Variants in SGCZ observed in about 807,000 individuals in gnomAD.
The protein encoded by SGCZ is zeta-sarcoglycan.
A neutral mutation model predicts 41.3 loss-of-function variants in SGCZ; 40 were observed. That is an observed-to-expected ratio of 0.97 (90% CI 0.75 to 1.26). SGCZ has a LOEUF of 1.26. Among genes scored for constraint, SGCZ ranks in the 50% most tolerant of loss-of-function variants. SGCZ has a pLI of 0.00. For synonymous variants in SGCZ, 206 were observed against 137.5 expected, an observed-to-expected ratio of 1.50 and a Z score of -3.49; for missense variants, 552 against 369.8, an observed-to-expected ratio of 1.49 and a Z score of -4.04.
intron 1 of SGCZ, among the ~76,000 whole-genome samples, chr8:14,985,688 G>A (rs754113738): frequency 4.6e-5 from 7 of 152,124 alleles, no homozygotes; most frequent in African/African-American, 7.2e-5. Context: ...TCAAGTAGAG[G>A]GCATCACAGT....
At position 14,309,329 on chromosome 8, in the gene SGCZ, G is replaced by A; in HGVS notation, c.336+14774C>T. Reference sequence around the variant, plus strand: ...GGATGGTATTGAGACTATGTGGGAAGATGAGAAAAACAAATGGGGAGGACG... The same window carrying A: ...GGATGGTATTGAGACTATGTGGGAAAATGAGAAAAACAAATGGGGAGGACG... On this transcript the variant is annotated intron_variant, in intron 3 of 7. Coordinates refer to ENST00000382080, the MANE Select transcript of SGCZ (RefSeq NM_139167.4). 1.9e-6 allele frequency: 3 copies of A among 1,600,152 alleles called. No homozygotes were observed. The South Asian group carries it at 3.3e-5, about 18-fold the overall frequency.
intron 1 of SGCZ, among the ~76,000 whole-genome samples, chr8:15,166,783 C>G (rs527314985): frequency 6.6e-6 from 1 of 152,226 alleles, no homozygotes; most frequent in East Asian, 1.9e-4. Flanking sequence ...TGTTTTAATC[C>G]TCTTCAAGGG....
At chr8:14,831,598 TTGTG>T (rs113673802) in intron 1 of SGCZ, among the ~76,000 whole-genome samples, 54 of 149,900 alleles carry the variant, frequency 3.6e-4, no homozygotes, top group African/African-American at 9.8e-4. Flanking sequence ...ACAAGTGTGT[TTGTG>T]TGTGTGTGTG....
At chr8:15,111,817 T>C (rs1310719858) in intron 1 of SGCZ, among the ~76,000 whole-genome samples, 1 of 151,688 alleles carries the variant, frequency 6.6e-6, no homozygotes, top group African/African-American at 2.4e-5. Flanking sequence ...GAAGAACTGC[T>C]TGAACCAGGG....
intron 1 of SGCZ, among the ~76,000 whole-genome samples, chr8:15,042,951 C>T (rs932153345): frequency 6.6e-6 from 1 of 152,138 alleles, no homozygotes; most frequent in Admixed American, 6.6e-5. Flanking sequence ...TCCCATAATG[C>T]AGTCATAAAC....
intron 2 of SGCZ, among the ~76,000 whole-genome samples, chr8:14,484,728 C>G (rs1001615826): frequency 4.6e-5 from 7 of 151,918 alleles, no homozygotes; most frequent in African/African-American, 1.5e-4. Context: ...ATATTGTGCC[C>G]ATATTTATAT....
intron 1 of SGCZ, among the ~76,000 whole-genome samples, chr8:15,074,907 TC>T (rs1197546241): frequency 6.6e-6 from 1 of 152,146 alleles, no homozygotes; most frequent in Non-Finnish European, 1.5e-5. Context: ...CCTGTGTATC[TC>T]TGTATCTGAC....
intron 1 of SGCZ, among the ~76,000 whole-genome samples, chr8:14,572,298 G>A (rs1387577637): frequency 1.3e-5 from 2 of 151,770 alleles, no homozygotes; most frequent in Non-Finnish European, 1.5e-5. Context: ...TATTCATATC[G>A]CCAATAATTT....
intron 5 of SGCZ, among the ~76,000 whole-genome samples, chr8:14,129,345 CAAAAAAAAAAAA>C (rs534660638): frequency 0.11 from 4,797 of 44,564 alleles, 306 homozygotes; most frequent in African/African-American, 0.27. Context: ...GACTCCGTCT[CAAAAAAAAAAAA>C]AAAAAAAAAA....
intron 4 of SGCZ, among the ~76,000 whole-genome samples, chr8:14,210,689 TATCCTGACCTCAGGTG>T (rs1336373542): frequency 6.6e-6 from 1 of 150,664 alleles, no homozygotes; most frequent in Admixed American, 6.6e-5. Context: ...CTGTTCTTGA[TATCCTGACCTCAGGTG>T]ATCCGCTTGC....
chr8:14,087,600 G>A lies in SGCZ; in HGVS notation c.*2843C>T, dbSNP rs551286342. On this transcript the variant is annotated 3_prime_UTR_variant, in exon 8 of 8. Transcript: ENST00000382080. ...ATTTTTCTCAGTGTCATTTGGGGAA[G>A]ATGAAATTTATATAAGTAAACTGCA... 1.3e-5 allele frequency among the ~76,000 whole-genome samples: 2 copies of A among 151,456 alleles called. No individual in the cohort carries two copies. Among genetic ancestry groups the A allele is most frequent in the African/African-American group, 4.8e-5 (2 of 41,334 alleles).
intron 1 of SGCZ, among the ~76,000 whole-genome samples, chr8:14,800,343 T>C (rs940179049): frequency 5.3e-5 from 8 of 152,274 alleles, no homozygotes; most frequent in African/African-American, 1.7e-4. Flanking sequence ...ATACTATAGA[T>C]AGAGCAAAAA....
At chr8:15,165,618 A>G (rs1040027541) in intron 1 of SGCZ, among the ~76,000 whole-genome samples, 2 of 152,232 alleles carry the variant, frequency 1.3e-5, no homozygotes, top group African/African-American at 4.8e-5. Context: ...TTGAAGTTCA[A>G]AATTGCTAGG....
At chr8:14,686,007 G>C (rs1808598500) in intron 1 of SGCZ, among the ~76,000 whole-genome samples, 1 of 152,034 alleles carries the variant, frequency 6.6e-6, no homozygotes, top group Non-Finnish European at 1.5e-5. Flanking sequence ...AATTAAGGAA[G>C]CCCATACTTC....
Position 14,318,385 on chromosome 8 carries a change from T to C in SGCZ, c.336+5718A>G, listed in dbSNP as rs972353980. ...TTTTTTTGAACAACCAACAATTTCA[T>C]AATACAAGTTTATGATATAAAACAT... On this transcript the variant is annotated intron_variant, in intron 3 of 7. Coordinates refer to ENST00000382080, the MANE Select transcript of SGCZ (RefSeq NM_139167.4). Among the ~76,000 whole-genome samples the C allele has an allele frequency of 4.0e-5, 6 of 151,894 alleles. No individual in the cohort carries two copies. In the Admixed American group the frequency reaches 4.0e-4, roughly 10 times the overall value.
At chr8:15,218,278 C>A (rs1461452168) in intron 1 of SGCZ, among the ~76,000 whole-genome samples, 1 of 151,946 alleles carries the variant, frequency 6.6e-6, no homozygotes, top group East Asian at 1.9e-4. Flanking sequence ...TAAAAGAATC[C>A]TATATAAAAG....
rs1326270373 is a variant in SGCZ, at chr8:14,146,899, T to A, written c.547+17681A>T. Reference sequence around the variant, plus strand: ...AAAATAAAAATAAAAAAAATAATAATAATAATAACTACAGCAACTTTTCCA... The same window carrying A: ...AAAATAAAAATAAAAAAAATAATAAAAATAATAACTACAGCAACTTTTCCA... On this transcript the variant is annotated intron_variant, in intron 5 of 7. Transcript: ENST00000382080. Among the ~76,000 whole-genome samples the A allele has an allele frequency of 4.2e-5, 6 of 144,150 alleles. 1 individual carries two copies. The highest frequency in any genetic ancestry group is 8.0e-5 in the African/African-American group (3 of 37,464). The allele number at this position is 144,150 out of a possible 152,430, so 94.6% of individuals were successfully genotyped here.
At chr8:14,557,136 T>A (rs1330022771) in intron 1 of SGCZ, among the ~76,000 whole-genome samples, 1 of 152,058 alleles carries the variant, frequency 6.6e-6, no homozygotes, top group Non-Finnish European at 1.5e-5. Flanking sequence ...TTTGAGGTAG[T>A]AAGGTGGTAT....
chr8:14,403,913 T>C (rs957765074), intron 2 of SGCZ, among the ~76,000 whole-genome samples: 3 of 152,076 alleles, frequency 2.0e-5, no homozygotes, highest in African/African-American at 7.2e-5. Context: ...AAGTCTAGGT[T>C]TCAACTGGGA....
Sources: gnomAD v4.1 joint callset for allele counts (sites outside exome capture counted in the v4.1 genomes callset) on GRCh38, gnomAD v4.1.1 for gene constraint, MANE v1.5 for transcripts, NCBI Gene and HGNC (gene_info 2026-07-23, HGNC 2026-07-21) for gene names.